Variants in POC1B observed in about 807,000 individuals in gnomAD.
The protein encoded by POC1B is POC1 centriolar protein homolog B.
In POC1B, 44 loss-of-function variants were observed where a neutral mutation model predicts 60.6. The ratio of observed to expected loss-of-function variants is 0.73; its 90% CI spans 0.57 to 0.93. The LOEUF is 0.93. POC1B is among the 40% of genes least tolerant of loss of function. The pLI is 0.00. For missense variants in POC1B, 555 were observed against 572.3 expected (o/e 0.97, Z 0.31); for synonymous variants, 180 against 198.9 (o/e 0.90, Z 0.80).
chr12:89,477,778 C>T (rs546896080), intron 4 of POC1B, among the ~76,000 whole-genome samples: 3 of 152,186 alleles, frequency 2.0e-5, no homozygotes, highest in Admixed American at 6.5e-5. Flanking sequence ...GGTGGTTTCA[C>T]GTTTCCTTTG....
chr12:89,520,415 G>A (rs1870751688), intron 2 of POC1B: 1 of 151,928 alleles, frequency 6.6e-6, no homozygotes. Flanking sequence ...TTAAAAATAA[G>A]TAAAAAATAA....
At chr12:89,437,440 CCT>C (rs1322826795) in intron 10 of POC1B, among the ~76,000 whole-genome samples, 3 of 152,132 alleles carry the variant, frequency 2.0e-5, no homozygotes, top group South Asian at 2.1e-4. Flanking sequence ...AATTCACTCC[CCT>C]CTCAGGGCTT....
chr12:89,472,218 A>G lies in POC1B; in HGVS notation c.510T>C (p.Ile170=). The G allele has an allele frequency of 6.2e-7, 1 of 1,608,338 alleles. No individual in the cohort carries two copies. Among genetic ancestry groups the G allele is most frequent in the Non-Finnish European group, 8.5e-7 (1 of 1,175,210 alleles). Residue 170 remains isoleucine, a synonymous_variant, in exon 5 of 12, where the codon ATT becomes ATC. Coordinates refer to ENST00000313546, the MANE Select transcript of POC1B (RefSeq NM_172240.3). ...CACATTGCTTATTTGTGGTATCCCA[A>G]ATTTTAATAGTTTTATCCTCACTAC... is the stretch of plus-strand genomic sequence containing the variant. ...VSCSEDKTIK[I]WDTTNKQCVN...
the POC1B span, among the ~76,000 whole-genome samples, chr12:89,414,569 A>C: frequency 6.6e-5 from 10 of 152,218 alleles, no homozygotes; most frequent in African/African-American, 2.4e-4. Flanking sequence ...ACATTCATAA[A>C]TCCTCTGGTG....
chr12:89,496,781 G>C (rs999820343), intron 3 of POC1B, among the ~76,000 whole-genome samples: 2 of 152,044 alleles, frequency 1.3e-5, no homozygotes, highest in Admixed American at 1.3e-4. Context: ...GTTTTCAATA[G>C]GGATCCAAGG....
chr12:89,501,488 T>G (rs1159175748), intron 2 of POC1B: 5 of 995,108 alleles, frequency 5.0e-6, no homozygotes, highest in Non-Finnish European at 7.7e-6. Context: ...GACAGAAATA[T>G]GGAAGAGCGT....
chr12:89,520,098 AC>A (rs1760259654), intron 2 of POC1B: 1 of 152,132 alleles, frequency 6.6e-6, no homozygotes, highest in African/African-American at 2.4e-5. Flanking sequence ...TGAAAGTCCC[AC>A]TTTTCTGTTA....
At chr12:89,523,745 G>C in intron 2 of POC1B, 1 of 1,543,036 alleles carries the variant, frequency 6.5e-7, no homozygotes, top group Non-Finnish European at 8.7e-7. Flanking sequence ...TCCCCTATCT[G>C]CATATAGAAT....
At chr12:89,473,711 A>C (rs1402989989) in intron 4 of POC1B, among the ~76,000 whole-genome samples, 1 of 151,798 alleles carries the variant, frequency 6.6e-6, no homozygotes, top group Non-Finnish European at 1.5e-5. Flanking sequence ...CTTTCAAGGA[A>C]AAATTTTCCA....
chr12:89,418,078 A>C (rs887843046), downstream of POC1B, among the ~76,000 whole-genome samples: 2 of 152,190 alleles, frequency 1.3e-5, no homozygotes, highest in East Asian at 1.9e-4. Flanking sequence ...GATGGTAATA[A>C]GTGCACTGGA....
chr12:89,429,450 G>A (rs571243021), intron 10 of POC1B: 4 of 152,242 alleles, frequency 2.6e-5, no homozygotes, highest in Admixed American at 2.0e-4. Flanking sequence ...GGTACAAAGG[G>A]AAAAACATGG....
intron 2 of POC1B, chr12:89,523,493 C>T (rs1168408735): frequency 6.2e-7 from 1 of 1,612,060 alleles, no homozygotes; most frequent in South Asian, 1.1e-5. Flanking sequence ...GGGTGGATCT[C>T]CAATTTGCCA....
chr12:89,525,013 T>C lies in POC1B; in HGVS notation c.100+107A>G, dbSNP rs542328776. On this transcript the variant is annotated intron_variant, in intron 2 of 11. Transcript: ENST00000313546. ...CGTCTCCGGGTGCTCTCAACCCTCA[T>C]ACAGGCCCTTAGCCGTTCTCCTAGG... The C allele has an allele frequency of 2.0e-4, 302 of 1,506,836 alleles. 1 individual carries two copies. The African/African-American group carries it at 3.7e-3, about 18-fold the overall frequency. The allele number at this position is 1,506,836 out of a possible 1,614,324, so 93.3% of individuals were successfully genotyped here.
chr12:89,514,994 G>C (rs1185242676), intron 2 of POC1B, among the ~76,000 whole-genome samples: 4 of 151,984 alleles, frequency 2.6e-5, no homozygotes, highest in African/African-American at 7.3e-5. Flanking sequence ...CCTCCTCTCT[G>C]TAAGTCCCTC....
intron 10 of POC1B, 56 bp from the exon 11 acceptor site, chr12:89,425,435 A>G (rs1880723598): frequency 7.0e-7 from 1 of 1,433,098 alleles, no homozygotes; most frequent in Non-Finnish European, 9.5e-7. Flanking sequence ...TTAAAATGAT[A>G]TATATAAAAG....
At chr12:89,488,779 G>A (rs1868782618) in intron 4 of POC1B, among the ~76,000 whole-genome samples, 2 of 152,106 alleles carry the variant, frequency 1.3e-5, no homozygotes, top group African/African-American at 2.4e-5. Context: ...GAGTCACTGC[G>A]CAGGGCCAAT....
chr12:89,499,924 G>C (rs1869461711), intron 2 of POC1B, among the ~76,000 whole-genome samples: 1 of 152,228 alleles, frequency 6.6e-6, no homozygotes, highest in Non-Finnish European at 1.5e-5. Flanking sequence ...TGTTGTTGGC[G>C]CACGCCTTCC....
intron 2 of POC1B, among the ~76,000 whole-genome samples, chr12:89,512,008 C>T (rs896440117): frequency 2.0e-5 from 3 of 152,142 alleles, no homozygotes. Context: ...GAGCTGAGAT[C>T]GCAACACTGC....
intron 4 of POC1B, among the ~76,000 whole-genome samples, chr12:89,476,962 G>A (rs550258291): frequency 6.6e-6 from 1 of 152,158 alleles, no homozygotes; most frequent in Non-Finnish European, 1.5e-5. Context: ...TCAGTAGTAG[G>A]AGGAAGCAGT....
Sources: allele counts gnomAD v4.1 joint callset (sites outside exome capture counted in the v4.1 genomes callset), GRCh38; gene constraint gnomAD v4.1.1; transcripts MANE v1.5; gene names NCBI Gene and HGNC (gene_info 2026-07-23, HGNC 2026-07-21).